The following ZNF880 variants were observed in gnomAD, a reference collection of about 807,000 sequenced individuals.
ZNF880 encodes the protein zinc finger protein 880, also known as zinc finger protein LOC400713.
ZNF880 carries 12 observed loss-of-function variants against 11.8 expected under a neutral mutation model. The ratio of observed to expected loss-of-function variants is 1.02; its 90% CI spans 0.65 to 1.65. The LOEUF (loss-of-function observed/expected upper bound fraction) is 1.65, where lower values mean the gene tolerates loss of function less well. ZNF880 is among the 40% of genes most tolerant of loss of function. The probability of loss-of-function intolerance (pLI) is 0.00; values close to 1 mark genes in which losing one functional copy is unlikely to be tolerated. For missense variants in ZNF880, 601 were observed against 673.9 expected, an observed-to-expected ratio of 0.89 and a Z score of 1.20; for synonymous variants, 210 against 232.4, an observed-to-expected ratio of 0.90 and a Z score of 0.88.
the ZNF880 span, chr19:52,397,572 CTCTT>C: frequency 1.3e-5 from 2 of 152,090 alleles, no homozygotes; most frequent in South Asian, 2.1e-4. Flanking sequence ...TCTCTTCTCT[CTCTT>C]TCTGCTTCCA....
chr19:52,378,334 G>C (rs916566675), intron 3 of ZNF880, among the ~76,000 whole-genome samples: 1 of 152,086 alleles, frequency 6.6e-6, no homozygotes, highest in African/African-American at 2.4e-5. Context: ...TCAGCAGAAT[G>C]GGAAAGACAG....
At chr19:52,388,668 A>G (rs921058968), downstream of ZNF880, among the ~76,000 whole-genome samples, 5 of 151,962 alleles carry the variant, frequency 3.3e-5, no homozygotes, top group African/African-American at 1.2e-4. Context: ...CCATACACTG[A>G]TATGGTCTGC....
Position 52,383,984 on chromosome 19 carries a change from A to C in ZNF880, c.404A>C (p.Glu135Ala). The change falls in exon 4 of 4, where the codon GAA becomes GCA. Residue 135 changes from glutamate (E) to alanine (A), a missense_variant. Around this residue, in one of 3 missense-constraint regions of ZNF880, gnomAD observed 420 missense variants for 442.6 expected, o/e 0.95. Coordinates refer to ENST00000422689, the MANE Select transcript of ZNF880 (RefSeq NM_001145434.2). Reference protein sequence around the residue: ...ERNISGCKHVEKPINNSLVSP... With the variant: ...ERNISGCKHVAKPINNSLVSP... ...AATATTTCTGGATGTAAACATGTCG[A>C]AAAACCTATCAACAATTCCTTAGTT... 1 of 1,534,204 alleles carries C rather than the reference A, an allele frequency of 6.5e-7. No individual in the cohort carries two copies. Among genetic ancestry groups the C allele is most frequent in the Non-Finnish European group, 8.8e-7 (1 of 1,138,608 alleles).
downstream of ZNF880, chr19:52,390,421 C>G (rs968285391): frequency 5.8e-5 from 20 of 345,984 alleles, no homozygotes; most frequent in African/African-American, 3.7e-4. Context: ...CCTCCTTGAT[C>G]GGGGGCCCTT....
In ZNF880 at chr19:52,369,986, C is replaced by G. The variant is rs73581129; in HGVS notation, c.12+9C>G. On this transcript the variant is annotated intron_variant, in intron 1 of 3. Coordinates refer to ENST00000422689, the MANE Select transcript of ZNF880 (RefSeq NM_001145434.2). ...CGGTCATGCTGCGGCGTGTGAGTTT[C>G]CCTTTGTTTAGATTAAATCTGGGAT... is the stretch of plus-strand genomic sequence containing the variant. 1.2e-5 allele frequency: 19 copies of G among 1,551,586 alleles called. No homozygotes were observed. In the South Asian group the frequency reaches 1.8e-4, roughly 15 times the overall value.
At chr19:52,377,505 G>A (rs1283481256) in intron 3 of ZNF880, among the ~76,000 whole-genome samples, 2 of 152,126 alleles carry the variant, frequency 1.3e-5, no homozygotes, top group Admixed American at 6.6e-5. Flanking sequence ...GATCCCACAG[G>A]CAAAGGGCTG....
chr19:52,393,825 T>TG, the ZNF880 span, among the ~76,000 whole-genome samples: 3 of 141,604 alleles, frequency 2.1e-5, no homozygotes, highest in Non-Finnish European at 3.0e-5. Flanking sequence ...TGTATTTCTT[T>TG]GCCCCCCCCC....
chr19:52,388,332 G>C (rs899741640), downstream of ZNF880, among the ~76,000 whole-genome samples: 8 of 119,922 alleles, frequency 6.7e-5, no homozygotes, highest in African/African-American at 2.8e-4. Flanking sequence ...CACCAGGCTG[G>C]AGTGCAGTGG....
At chr19:52,376,508 C>CTTTT (rs1568661841) in intron 3 of ZNF880, among the ~76,000 whole-genome samples, 1 of 22,328 alleles carries the variant, frequency 4.5e-5, no homozygotes, top group African/African-American at 1.3e-4. Context: ...CCCCCCCCCC[C>CTTTT]CTTTTTTTTT....
At chr19:52,368,956 A>G (rs1219577577), upstream of ZNF880, among the ~76,000 whole-genome samples, 1 of 123,936 alleles carries the variant, frequency 8.1e-6, no homozygotes, top group East Asian at 2.3e-4. Flanking sequence ...AGCCTGAAAG[A>G]CAGAGGGAGA....
At chr19:52,379,402 C>CTTT (rs71304201) in intron 3 of ZNF880, 89 of 370,534 alleles carry the variant, frequency 2.4e-4, no homozygotes, top group South Asian at 4.2e-4. Context: ...TTTCATTTTT[C>CTTT]TTTTTTTTTT....
At chr19:52,379,714 G>T (rs1007612554) in intron 3 of ZNF880, 2 of 214,280 alleles carry the variant, frequency 9.3e-6, no homozygotes, top group Middle Eastern at 2.0e-3. Flanking sequence ...AAAGTTCTGG[G>T]ATTACAGGCA....
the ZNF880 span, chr19:52,395,586 A>T: frequency 1.1e-4 from 16 of 152,234 alleles, no homozygotes; most frequent in Non-Finnish European, 2.2e-4. Flanking sequence ...TTACATACAG[A>T]TCGGCAGATA....
intron 3 of ZNF880, among the ~76,000 whole-genome samples, chr19:52,376,723 T>C (rs1986568901): frequency 6.6e-6 from 1 of 152,134 alleles, no homozygotes; most frequent in African/African-American, 2.4e-5. Flanking sequence ...TTGGCCAGGA[T>C]GGTCTCAAAC....
the ZNF880 span, among the ~76,000 whole-genome samples, chr19:52,394,512 G>C: frequency 6.6e-6 from 1 of 152,194 alleles, no homozygotes; most frequent in Non-Finnish European, 1.5e-5. Flanking sequence ...TGGGATTACA[G>C]GCACGAGCCA....
At chr19:52,393,826 G>GA in the ZNF880 span, among the ~76,000 whole-genome samples, 28,772 of 121,728 alleles carry the variant, frequency 0.24, 3,700 homozygotes, top group Non-Finnish European at 0.29. Context: ...GTATTTCTTT[G>GA]CCCCCCCCCT....
chr19:52,374,691 G>A, intron 3 of ZNF880: 1 of 619,488 alleles, frequency 1.6e-6, no homozygotes, highest in Admixed American at 2.8e-5. Flanking sequence ...AGAATTCTTT[G>A]GGAAAATAAA....
At chr19:52,389,333 C>T (rs537214048), downstream of ZNF880, 2 of 152,328 alleles carry the variant, frequency 1.3e-5, no homozygotes, top group East Asian at 3.9e-4. Context: ...TTAGTTATTT[C>T]CTAGGTACAA....
At chr19:52,369,752 A>G (rs707313), upstream of ZNF880, among the ~76,000 whole-genome samples, 135,371 of 152,138 alleles carry the variant, frequency 0.89, 60,558 homozygotes, top group African/African-American at 0.97. Flanking sequence ...ATCATCAACA[A>G]ACTTTCCCTC....
Sources: gnomAD v4.1 joint callset for allele counts (sites outside exome capture counted in the v4.1 genomes callset) on GRCh38, gnomAD v4.1.1 for gene constraint, gnomAD v4.1.1 regional missense constraint, MANE v1.5 for transcripts, NCBI Gene and HGNC (gene_info 2026-07-23, HGNC 2026-07-21) for gene names.